LRRFIP1: variants seen among roughly 807,000 people sequenced by gnomAD.
LRRFIP1 encodes the protein LRR binding FLII interacting protein 1, also known as leucine-rich repeat flightless-interacting protein 1.
In LRRFIP1, 62 loss-of-function variants were observed where a neutral mutation model predicts 104.4. The observed-to-expected ratio is 0.59, with a 90% CI of 0.48 to 0.73. The LOEUF (loss-of-function observed/expected upper bound fraction) is 0.73. Among genes scored for constraint, LRRFIP1 ranks in the 30% least tolerant of loss-of-function variants. LRRFIP1 has a pLI of 0.00. For missense variants in LRRFIP1, 796 were observed against 824.5 expected (o/e 0.97, Z 0.42); for synonymous variants, 300 against 299.0 (o/e 1.00, Z -0.03).
At position 237,746,540 on chromosome 2, in the gene LRRFIP1, T is replaced by A. The variant is rs116523077; in HGVS notation, c.634-1824T>A. On this transcript the variant is annotated intron_variant, in intron 11 of 23. Transcript: ENST00000308482. ...TGCCTTCGTATCTGTCCCATCGGAG[T>A]CTGCCTTGGTACTCATCTTATCGGA... Among the ~76,000 whole-genome samples, 566 of 151,990 alleles carry A rather than the reference T, an allele frequency of 3.7e-3. 2 individuals are homozygous for A. Among genetic ancestry groups the A allele is most frequent in the African/African-American group, 0.013 (543 of 41,440 alleles).
At chr2:237,745,988 T>C (rs2057789619) in intron 11 of LRRFIP1, among the ~76,000 whole-genome samples, 1 of 152,154 alleles carries the variant, frequency 6.6e-6, no homozygotes, top group Admixed American at 6.5e-5. Flanking sequence ...GAATTTATTC[T>C]CCAGCACGCT....
intron 14 of LRRFIP1, among the ~76,000 whole-genome samples, chr2:237,752,518 C>T (rs2058745668): frequency 6.6e-6 from 1 of 152,226 alleles, no homozygotes; most frequent in South Asian, 2.1e-4. Flanking sequence ...ACTGGTCCCT[C>T]CAGCCCCCTG....
At chr2:237,697,571 A>G (rs576736351) in intron 1 of LRRFIP1, among the ~76,000 whole-genome samples, 14 of 152,348 alleles carry the variant, frequency 9.2e-5, no homozygotes, top group African/African-American at 3.4e-4. Flanking sequence ...AGCTGGTTCC[A>G]GGGAATATCC....
chr2:237,670,233 C>T lies in LRRFIP1; in HGVS notation c.97-38311C>T, dbSNP rs530540508. The stretch of plus-strand genomic sequence containing the variant: ...CGATCAACAGGAGGTCGTCCTGCAC[C>T]GGGACGTCAGTGCCCCGACACCTCG... On this transcript the variant is annotated intron_variant, in intron 1 of 23. Transcript: ENST00000308482. 5.3e-5 allele frequency among the ~76,000 whole-genome samples: 8 copies of T among 151,754 alleles called. No homozygotes were observed. The East Asian group carries it at 9.7e-4, about 18-fold the overall frequency.
chr2:237,738,656 T>G (rs968641028), intron 10 of LRRFIP1, among the ~76,000 whole-genome samples: 3 of 152,254 alleles, frequency 2.0e-5, no homozygotes, highest in African/African-American at 7.2e-5. Context: ...GCTGGTATTT[T>G]CCTTTACCAG....
chr2:237,779,216 G>GA (rs922932252), intron 23 of LRRFIP1: 10,222 of 391,126 alleles, frequency 0.026, no homozygotes, highest in Middle Eastern at 0.038. Context: ...TCCATCTCAA[G>GA]AAAAAAAAAA....
At chr2:237,745,586 A>G (rs2057734110) in intron 11 of LRRFIP1, among the ~76,000 whole-genome samples, 1 of 152,202 alleles carries the variant, frequency 6.6e-6, no homozygotes, top group Admixed American at 6.5e-5. Flanking sequence ...AAGATGTGTT[A>G]AAGCCCTGCC....
intron 1 of LRRFIP1, among the ~76,000 whole-genome samples, chr2:237,685,770 T>A (rs1477353713): frequency 6.6e-6 from 1 of 152,078 alleles, no homozygotes; most frequent in Non-Finnish European, 1.5e-5. Context: ...CAGGCTCACA[T>A]CTCTTCCATC....
intron 9 of LRRFIP1, among the ~76,000 whole-genome samples, chr2:237,734,522 T>C (rs938276174): frequency 6.6e-6 from 1 of 152,134 alleles, no homozygotes; most frequent in African/African-American, 2.4e-5. Flanking sequence ...TCAGGTGATC[T>C]GCCTGCCTCG....
At position 237,714,250 on chromosome 2, in the gene LRRFIP1, T is replaced by C; in HGVS notation, c.184-9T>C. 1 of 1,588,396 alleles carries C rather than the reference T, an allele frequency of 6.3e-7. No homozygotes were observed. The highest frequency in any genetic ancestry group is 8.6e-7 in the Non-Finnish European group (1 of 1,162,424). On this transcript the variant is annotated splice_polypyrimidine_tract_variant and intron_variant, in intron 2 of 23. Transcript: ENST00000308482. ...TTACATTTCTTTTTTCTTCTGTCCT[T>C]CTCTATAGATCTATCAGGTCCAAAA... is the stretch of plus-strand genomic sequence containing the variant.
intron 1 of LRRFIP1, among the ~76,000 whole-genome samples, chr2:237,679,510 A>G (rs538512791): frequency 3.3e-5 from 5 of 152,382 alleles, no homozygotes; most frequent in Admixed American, 3.3e-4. Flanking sequence ...CTTGCGGATT[A>G]TGTGTATGTC....
At position 237,647,954 on chromosome 2, in the gene LRRFIP1, G is replaced by A. The variant is rs942706421; in HGVS notation, c.96+20214G>A. Among the ~76,000 whole-genome samples, 9 of 152,090 alleles carry A rather than the reference G, an allele frequency of 5.9e-5. 1 individual carries two copies. Among genetic ancestry groups the A allele is most frequent in the South Asian group, 2.1e-4 (1 of 4,826 alleles). On this transcript the variant is annotated intron_variant, in intron 1 of 23. Coordinates refer to ENST00000308482, the MANE Select transcript of LRRFIP1 (RefSeq NM_001137550.2). ...TTCTTGAAGCAGGAACCACATCTGC[G>A]TGTGAATTTTTCCAGAATCTGGGGG...
chr2:237,672,546 T>G (rs1429925458), intron 1 of LRRFIP1, among the ~76,000 whole-genome samples: 1 of 152,224 alleles, frequency 6.6e-6, no homozygotes, highest in African/African-American at 2.4e-5. Context: ...ATCTTAAAAC[T>G]ATTAGTTTTC....
rs1270906179 is a variant in LRRFIP1, at chr2:237,739,326, G to A, written c.633+17G>A. The A allele has an allele frequency of 1.3e-5, 20 of 1,547,798 alleles. No homozygotes were observed. The highest frequency in any genetic ancestry group is 1.2e-4 in the Admixed American group (6 of 51,482). On this transcript the variant is annotated intron_variant, in intron 11 of 23. Coordinates refer to ENST00000308482, the MANE Select transcript of LRRFIP1 (RefSeq NM_001137550.2). ...AGCCCTGTGGTAAGTCGGCCTCCTG[G>A]CCTTGCTCCTACTCAGTGTCACCCT...
At chr2:237,745,568 G>A (rs536692297) in intron 11 of LRRFIP1, among the ~76,000 whole-genome samples, 1 of 152,088 alleles carries the variant, frequency 6.6e-6, no homozygotes, top group Non-Finnish European at 1.5e-5. Flanking sequence ...GCAAAACCAT[G>A]CAGAACAAAG....
chr2:237,684,804 G>C (rs918103792), intron 1 of LRRFIP1, among the ~76,000 whole-genome samples: 8 of 151,924 alleles, frequency 5.3e-5, no homozygotes, highest in Admixed American at 2.6e-4. Context: ...AAACAAAATT[G>C]GGCCTGGTGC....
intron 19 of LRRFIP1, chr2:237,769,240 AC>A (rs968191905): frequency 1.3e-5 from 2 of 152,122 alleles, no homozygotes; most frequent in African/African-American, 4.8e-5. Context: ...AAACCTCTAA[AC>A]CCTCCCCTAG....
At chr2:237,686,352 G>GA (rs146547063) in intron 1 of LRRFIP1, among the ~76,000 whole-genome samples, 4,433 of 152,240 alleles carry the variant, frequency 0.029, 169 homozygotes, top group African/African-American at 0.085. Flanking sequence ...AGGTAGTTAT[G>GA]AAAAAATATC....
intron 1 of LRRFIP1, among the ~76,000 whole-genome samples, chr2:237,668,594 G>A (rs112498652): frequency 2.1e-4 from 32 of 152,054 alleles, no homozygotes; most frequent in African/African-American, 6.3e-4. Flanking sequence ...ACTGAAGAGC[G>A]TTTCCCATCA....
Sources: gnomAD v4.1 joint callset for allele counts (sites outside exome capture counted in the v4.1 genomes callset) on GRCh38, gnomAD v4.1.1 for gene constraint, MANE v1.5 for transcripts, NCBI Gene and HGNC (gene_info 2026-07-23, HGNC 2026-07-21) for gene names.